MAGI2: variants seen among roughly 807,000 people sequenced by gnomAD.
MAGI2 encodes the protein membrane-associated guanylate kinase, WW and PDZ domain-containing protein 2.
Under a neutral mutation model 133.3 loss-of-function variants are expected in MAGI2, and 35 were observed. That is an observed-to-expected ratio of 0.26 (90% CI 0.20 to 0.35). The LOEUF (loss-of-function observed/expected upper bound fraction) is 0.35, where lower values mean the gene tolerates loss of function less well. MAGI2 is among the 10% of genes least tolerant of loss of function. MAGI2 has a pLI of 1.00. For synonymous variants in MAGI2, 729 were observed against 710.6 expected (o/e 1.03, Z -0.41); for missense variants, 1,636 against 1,863.4 (o/e 0.88, Z 2.25).
intron 2 of MAGI2, among the ~76,000 whole-genome samples, chr7:78,966,363 G>A (rs1450040631): frequency 1.3e-5 from 2 of 151,960 alleles, no homozygotes; most frequent in African/African-American, 2.4e-5. Flanking sequence ...CCTGGCAATC[G>A]TCATTCTACT....
In MAGI2 at chr7:78,091,052, A is replaced by ATGTGTG. The variant is rs3084764; in HGVS notation, c.3568-11973_3568-11968dup. On this transcript the variant is annotated intron_variant, in intron 20 of 21. Transcript: ENST00000354212. ...TAGTGACTGATGTGTATGTGTGTGT[A>ATGTGTG]TGTGTGTGTGTGTGTGTGTGTGTGT... Among the ~76,000 whole-genome samples the ATGTGTG allele has an allele frequency of 8.2e-3, 1,227 of 150,086 alleles. 9 individuals are homozygous for ATGTGTG. Among genetic ancestry groups the ATGTGTG allele is most frequent in the African/African-American group, 0.016 (643 of 40,870 alleles).
At chr7:78,880,410 G>A (rs1795755365) in intron 2 of MAGI2, among the ~76,000 whole-genome samples, 3 of 152,176 alleles carry the variant, frequency 2.0e-5, no homozygotes, top group Admixed American at 2.0e-4. Context: ...GAAGAGATTG[G>A]GGGCCTATTT....
At chr7:78,935,680 A>T (rs1800455927) in intron 2 of MAGI2, among the ~76,000 whole-genome samples, 1 of 152,084 alleles carries the variant, frequency 6.6e-6, no homozygotes, top group Non-Finnish European at 1.5e-5. Context: ...TAGATTATTC[A>T]TGGGATCGTT....
intron 21 of MAGI2, among the ~76,000 whole-genome samples, chr7:78,033,774 C>T (rs142519772): frequency 2.7e-4 from 41 of 152,138 alleles, no homozygotes; most frequent in African/African-American, 7.2e-4. Flanking sequence ...CAACAAGGGC[C>T]GAGCTCAGTG....
At position 78,168,019 on chromosome 7, in the gene MAGI2, A is replaced by G. The variant is rs1360505769; in HGVS notation, c.2493T>C (p.Ile831=). 5.0e-6 allele frequency: 8 copies of G among 1,614,078 alleles called. No homozygotes were observed. Among genetic ancestry groups the G allele is most frequent in the East Asian group, 2.2e-5 (1 of 44,890 alleles). The change falls in exon 15 of 22, where the codon ATT becomes ATC. Residue 831 remains isoleucine, a synonymous_variant. Transcript: ENST00000354212. ...AGCGGTGGGTTTTGCCGGCTACTGGAATCCCATCAACATACACAAGCTCAT... is the reference window on the plus strand; with the variant it reads ...AGCGGTGGGTTTTGCCGGCTACTGGGATCCCATCAACATACACAAGCTCAT... ...PGDELVYVDG[I]PVAGKTHRYV... is the part of the protein sequence containing the mutation.
chr7:79,036,917 T>A (rs1811179686), intron 1 of MAGI2, among the ~76,000 whole-genome samples: 1 of 152,202 alleles, frequency 6.6e-6, no homozygotes, highest in Non-Finnish European at 1.5e-5. Context: ...GTAAAAATTA[T>A]GTTAATCTTT....
rs1370375045 is a variant in MAGI2, at chr7:78,676,464, C to G, written c.419-49225G>C. ...GGAATTACTCTTTTAACCTGAAGAA[C>G]TGTTTTATTGGAAAAGCCAACTTAC... On this transcript the variant is annotated intron_variant, in intron 2 of 21. Transcript: ENST00000354212. Among the ~76,000 whole-genome samples the G allele has an allele frequency of 2.0e-5, 3 of 152,284 alleles. No homozygotes were observed. In the East Asian group the frequency reaches 5.8e-4, roughly 29 times the overall value.
intron 1 of MAGI2, among the ~76,000 whole-genome samples, chr7:79,300,607 A>T (rs11766918): frequency 0.55 from 84,073 of 151,942 alleles, 25,808 homozygotes; most frequent in Non-Finnish European, 0.68. Context: ...AAATTGGGAA[A>T]ATTTGCAGCC....
At chr7:78,560,476 C>T (rs1229863116) in intron 3 of MAGI2, among the ~76,000 whole-genome samples, 5 of 152,088 alleles carry the variant, frequency 3.3e-5, no homozygotes, top group African/African-American at 7.2e-5. Context: ...AAAACGTAAT[C>T]ATTGGAACAC....
At chr7:78,694,529 C>A (rs894254626) in intron 2 of MAGI2, among the ~76,000 whole-genome samples, 1 of 152,170 alleles carries the variant, frequency 6.6e-6, no homozygotes, top group Non-Finnish European at 1.5e-5. Flanking sequence ...CACTCATACA[C>A]AGAGACTCTG....
chr7:78,122,683 A>G (rs1391326521), intron 20 of MAGI2, among the ~76,000 whole-genome samples: 1 of 152,228 alleles, frequency 6.6e-6, no homozygotes, highest in Non-Finnish European at 1.5e-5. Flanking sequence ...ATATTTTACC[A>G]TTTTAAGAGC....
intron 1 of MAGI2, among the ~76,000 whole-genome samples, chr7:79,014,527 A>T (rs1363218337): frequency 6.6e-6 from 1 of 152,142 alleles, no homozygotes; most frequent in Non-Finnish European, 1.5e-5. Flanking sequence ...TACAAATTAG[A>T]TGTTCTTCAT....
chr7:78,329,488 T>C (rs1436473043), intron 9 of MAGI2, among the ~76,000 whole-genome samples: 2 of 152,218 alleles, frequency 1.3e-5, no homozygotes, highest in African/African-American at 4.8e-5. Context: ...TGCATATATA[T>C]ACAATTGAAC....
rs1046511534 is a variant in MAGI2 at position 78,654,290 on chromosome 7, G to A, written c.419-27051C>T. 2.6e-5 allele frequency among the ~76,000 whole-genome samples: 4 copies of A among 152,056 alleles called. No individual in the cohort carries two copies. The South Asian group carries it at 8.3e-4, about 32-fold the overall frequency. ...TAACATACTACCTTCCTCATATGAG[G>A]AATTATGAGGATTAAATTGGTAACA... On this transcript the variant is annotated intron_variant, in intron 2 of 21. Transcript: ENST00000354212.
At chr7:78,748,398 C>T (rs980377221) in intron 2 of MAGI2, among the ~76,000 whole-genome samples, 1 of 152,098 alleles carries the variant, frequency 6.6e-6, no homozygotes. Flanking sequence ...AGGATAAGAT[C>T]CTCATCAAAT....
intron 1 of MAGI2, among the ~76,000 whole-genome samples, chr7:79,427,177 G>A (rs1847436981): frequency 6.6e-6 from 1 of 152,086 alleles, no homozygotes; most frequent in Non-Finnish European, 1.5e-5. Flanking sequence ...TACTTACTCT[G>A]TGAAGTTAGT....
chr7:79,110,989 A>G (rs1288579867), intron 1 of MAGI2, among the ~76,000 whole-genome samples: 1 of 151,852 alleles, frequency 6.6e-6, no homozygotes, highest in Non-Finnish European at 1.5e-5. Context: ...CATCAGTAAA[A>G]TCTCCCTGAT....
chr7:78,506,274 A>G (rs370039932), intron 4 of MAGI2, among the ~76,000 whole-genome samples: 1 of 152,112 alleles, frequency 6.6e-6, no homozygotes, highest in African/African-American at 2.4e-5. Flanking sequence ...GGAAACAGGG[A>G]AGGAGGAGTA....
intron 6 of MAGI2, among the ~76,000 whole-genome samples, chr7:78,432,540 TA>T (rs143438591): frequency 0.099 from 15,117 of 152,126 alleles, 796 homozygotes; most frequent in Middle Eastern, 0.15. Flanking sequence ...ATTTGTGTGA[TA>T]ATTATGCCTT....
Sources: gnomAD v4.1 joint callset for allele counts (sites outside exome capture counted in the v4.1 genomes callset) on GRCh38, gnomAD v4.1.1 for gene constraint, MANE v1.5 for transcripts, NCBI Gene and HGNC (gene_info 2026-07-23, HGNC 2026-07-21) for gene names.